The following SCP2 variants were observed in gnomAD, a reference collection of about 807,000 sequenced individuals.
SCP2 encodes sterol carrier protein 2.
In SCP2, 48 loss-of-function variants were observed where a neutral mutation model predicts 71.4. The ratio of observed to expected loss-of-function variants is 0.67; its 90% confidence interval spans 0.53 to 0.86. SCP2 has a LOEUF of 0.86. SCP2 is among the 40% of genes least tolerant of loss of function. SCP2 has a pLI of 0.00. For missense variants in SCP2, 560 were observed against 655.6 expected (o/e 0.85, Z 1.59); for synonymous variants, 220 against 218.1 (o/e 1.01, Z -0.08).
intron 8 of SCP2, 118 bp from the exon 9 acceptor site, chr1:52,978,099 A>T: frequency 1.1e-6 from 1 of 876,676 alleles, no homozygotes; most frequent in East Asian, 2.5e-5. Context: ...CACAAAGAAG[A>T]CAATCCACTG....
intron 2 of SCP2, among the ~76,000 whole-genome samples, chr1:52,947,622 G>A (rs550759348): frequency 1.3e-5 from 2 of 152,260 alleles, no homozygotes; most frequent in African/African-American, 4.8e-5. Context: ...GAGCACATTA[G>A]TGCTATCTGC....
At chr1:52,982,216 C>T (rs896842935) in intron 10 of SCP2, among the ~76,000 whole-genome samples, 2 of 152,098 alleles carry the variant, frequency 1.3e-5, no homozygotes, top group African/African-American at 4.8e-5. Flanking sequence ...CACCACCCCC[C>T]ACAGTTGTAA....
intron 13 of SCP2, among the ~76,000 whole-genome samples, chr1:53,033,873 T>G (rs1485251512): frequency 6.6e-6 from 1 of 152,170 alleles, no homozygotes; most frequent in Non-Finnish European, 1.5e-5. Flanking sequence ...ATAGCAGTAT[T>G]ATTCATAATA....
At chr1:52,934,318 T>G (rs1272734554) in intron 1 of SCP2, among the ~76,000 whole-genome samples, 1 of 151,524 alleles carries the variant, frequency 6.6e-6, no homozygotes, top group East Asian at 1.9e-4. Flanking sequence ...TATTAAAAAT[T>G]TTTTTTTTGT....
chr1:52,938,462 A>G (rs749700054), intron 1 of SCP2, among the ~76,000 whole-genome samples: 19 of 152,008 alleles, frequency 1.2e-4, no homozygotes, highest in Non-Finnish European at 2.8e-4. Context: ...TCTGAGGTCT[A>G]TTTCTTTCTT....
chr1:53,037,963 AC>A (rs1663128328), intron 13 of SCP2, among the ~76,000 whole-genome samples: 2 of 79,912 alleles, frequency 2.5e-5, no homozygotes, highest in Non-Finnish European at 4.0e-5. Flanking sequence ...ACACACACAC[AC>A]ACACACACAC....
intron 11 of SCP2, among the ~76,000 whole-genome samples, chr1:52,991,404 C>CTT (rs138717286): frequency 6.9e-6 from 1 of 145,274 alleles, no homozygotes; most frequent in Non-Finnish European, 1.5e-5. Flanking sequence ...TTTCTTTTTT[C>CTT]TTTTTTTTTT....
intron 13 of SCP2, among the ~76,000 whole-genome samples, chr1:53,038,344 C>G (rs1572225341): frequency 6.6e-6 from 1 of 151,256 alleles, no homozygotes; most frequent in African/African-American, 2.4e-5. Context: ...CATACGAGGG[C>G]TATTTTGGCA....
intron 2 of SCP2, among the ~76,000 whole-genome samples, chr1:52,942,294 C>T (rs1216481385): frequency 6.6e-6 from 1 of 152,114 alleles, no homozygotes; most frequent in Non-Finnish European, 1.5e-5. Context: ...TTTTCTGTCA[C>T]TAGATTACTG....
chr1:52,995,583 A>C (rs79465524), intron 11 of SCP2: 59,062 of 490,968 alleles, frequency 0.12, 5,694 homozygotes, highest in East Asian at 0.33. Context: ...CAAACTCATC[A>C]GGTAGGATTT....
chr1:53,021,036 C>G (rs542738112), intron 12 of SCP2, among the ~76,000 whole-genome samples: 29 of 152,078 alleles, frequency 1.9e-4, no homozygotes, highest in Non-Finnish European at 3.7e-4. Context: ...GACAGAGTCT[C>G]ACTCTGTCAT....
chr1:52,938,564 C>T (rs1412246178), intron 1 of SCP2, among the ~76,000 whole-genome samples: 2 of 152,194 alleles, frequency 1.3e-5, no homozygotes, highest in African/African-American at 4.8e-5. Context: ...ATCATTTCTT[C>T]ACATTGTGTC....
chr1:53,016,476 G>A (rs897778375), intron 12 of SCP2, among the ~76,000 whole-genome samples: 1 of 152,012 alleles, frequency 6.6e-6, no homozygotes, highest in African/African-American at 2.4e-5. Flanking sequence ...TTGAGACAGA[G>A]TCTTGTATGG....
At chr1:53,006,572 C>CA (rs1660650563) in intron 11 of SCP2, among the ~76,000 whole-genome samples, 1 of 152,116 alleles carries the variant, frequency 6.6e-6, no homozygotes, top group Non-Finnish European at 1.5e-5. Context: ...TACACACAGG[C>CA]AAATGCTGAG....
At chr1:53,005,359 G>A (rs181820294) in intron 11 of SCP2, among the ~76,000 whole-genome samples, 1 of 152,328 alleles carries the variant, frequency 6.6e-6, no homozygotes, top group Non-Finnish European at 1.5e-5. Context: ...GCCTAACTGG[G>A]AGACACCTCC....
At chr1:53,011,070 A>G (rs1660961118) in intron 11 of SCP2, among the ~76,000 whole-genome samples, 1 of 152,224 alleles carries the variant, frequency 6.6e-6, no homozygotes, top group South Asian at 2.1e-4. Context: ...TATTATAAAT[A>G]TACATTCTTC....
intron 2 of SCP2, chr1:52,943,632 C>T (rs1020127048): frequency 1.2e-5 from 5 of 429,372 alleles, no homozygotes; most frequent in Admixed American, 2.6e-5. Flanking sequence ...AAAAGGCCAA[C>T]GAGATAGGCC....
chr1:53,018,927 A>G (rs1308517202), intron 12 of SCP2, among the ~76,000 whole-genome samples: 1 of 152,158 alleles, frequency 6.6e-6, no homozygotes, highest in Non-Finnish European at 1.5e-5. Flanking sequence ...AGTTTCCTTT[A>G]ATGTGAAATG....
chr1:52,949,997 A>G (rs1655147407), intron 3 of SCP2, among the ~76,000 whole-genome samples: 1 of 152,170 alleles, frequency 6.6e-6, no homozygotes, highest in South Asian at 2.1e-4. Flanking sequence ...AACATGGATC[A>G]TGTTTTCCTG....
Sources: allele counts gnomAD v4.1 joint callset (sites outside exome capture counted in the v4.1 genomes callset), GRCh38; gene constraint gnomAD v4.1.1; transcripts MANE v1.5; gene names NCBI Gene and HGNC (gene_info 2026-07-23, HGNC 2026-07-21).